The following MYH10 variants were observed in gnomAD, a reference collection of about 807,000 sequenced individuals.
MYH10 encodes myosin heavy chain 10, also known as myosin-10.
Under a neutral mutation model 257.8 loss-of-function variants are expected in MYH10, and 55 were observed. The observed-to-expected ratio is 0.21, with a 90% CI of 0.17 to 0.27. MYH10 has a LOEUF of 0.27. Among genes scored for constraint, MYH10 ranks in the 10% least tolerant of loss-of-function variants. The pLI is 1.00. For missense variants in MYH10, 1,631 were observed against 2,500.6 expected, an observed-to-expected ratio of 0.65 and a Z score of 7.42; for synonymous variants, 854 against 921.7, an observed-to-expected ratio of 0.93 and a Z score of 1.33.
chr17:8,618,023 TG>T (rs1221574432), intron 2 of MYH10, among the ~76,000 whole-genome samples: 1 of 152,232 alleles, frequency 6.6e-6, no homozygotes, highest in East Asian at 1.9e-4. Context: ...TTTATATTCT[TG>T]CAAAACTTTT....
intron 35 of MYH10, among the ~76,000 whole-genome samples, chr17:8,489,768 C>T (rs1043808954): frequency 6.8e-6 from 1 of 147,632 alleles, no homozygotes; most frequent in Admixed American, 6.7e-5. Flanking sequence ...AACTTACTGC[C>T]ATGAACTGGA....
rs1252296111 is a variant in MYH10, at chr17:8,542,101, T to G, written c.1605+6A>C. Reference sequence around the variant, plus strand: ...TGAAAGACAGCGAGCAAGTGAGCACTCTTACAGGTCTCTCTATTAGGTCGA... The same window carrying G: ...TGAAAGACAGCGAGCAAGTGAGCACGCTTACAGGTCTCTCTATTAGGTCGA... On this transcript the variant is annotated splice_donor_region_variant and intron_variant, in intron 14 of 42. Coordinates refer to ENST00000360416, the MANE Select transcript of MYH10 (RefSeq NM_001256012.3). 6.2e-7 allele frequency: 1 copy of G among 1,611,162 alleles called. No homozygotes were observed. Among genetic ancestry groups the G allele is most frequent in the African/African-American group, 1.3e-5 (1 of 75,004 alleles).
rs1333431102 is a variant in MYH10, at chr17:8,506,821, A to AT, written c.3215-333_3215-332insA. On this transcript the variant is annotated intron_variant, in intron 26 of 42. Transcript: ENST00000360416. The surrounding 1 kb of genome is among the most constrained non-coding windows in gnomAD (Gnocchi z 5.0). ...AACACATCACTGTACCCAGGTTTGC[A>AT]AAGTGGCTCAGCAGGTGCTGGGGCA... Among the ~76,000 whole-genome samples the AT allele has an allele frequency of 3.5e-4, 53 of 152,340 alleles. 2 individuals carry two copies. Among genetic ancestry groups the AT allele is most frequent in the Non-Finnish European group, 5.9e-5 (4 of 68,030 alleles).
rs181594563 is a variant in MYH10 at position 8,585,910 on chromosome 17, G to A, written c.530+3171C>T. ...AGTACTTAGGGGACAGTGTACTGAT[G>A]TCTATCTACAATTGAACTTGAAATG... On this transcript the variant is annotated intron_variant, in intron 4 of 42. Coordinates refer to ENST00000360416, the MANE Select transcript of MYH10 (RefSeq NM_001256012.3). 3.9e-5 allele frequency among the ~76,000 whole-genome samples: 6 copies of A among 152,326 alleles called. No individual in the cohort carries two copies. In the East Asian group the frequency reaches 9.6e-4, roughly 24 times the overall value.
At chr17:8,476,729 G>GT in intron 42 of MYH10, 147 bp downstream of exon 42, 2 of 929,092 alleles carry the variant, frequency 2.2e-6, no homozygotes, top group Non-Finnish European at 3.1e-6. Flanking sequence ...GACTATAAAG[G>GT]TCAGAAATCT....
intron 16 of MYH10, among the ~76,000 whole-genome samples, chr17:8,534,334 G>A (rs1015682504): frequency 5.3e-5 from 8 of 152,150 alleles, no homozygotes; most frequent in Non-Finnish European, 1.0e-4. Context: ...CTATGTCTCA[G>A]GCCCACAGTC....
At position 8,489,914 on chromosome 17, in the gene MYH10, G is replaced by C. The variant is rs147107440; in HGVS notation, c.4884+426C>G. Among the ~76,000 whole-genome samples the C allele has an allele frequency of 2.0e-4, 30 of 152,242 alleles. No individual in the cohort carries two copies. In the East Asian group the frequency reaches 4.2e-3, roughly 22 times the overall value. On this transcript the variant is annotated intron_variant, in intron 35 of 42. Coordinates refer to ENST00000360416, the MANE Select transcript of MYH10 (RefSeq NM_001256012.3). ...TACATGGATAGCAACTTTATAAAAG[G>C]ACAAATTTAAATATCTGCTCTTTTT...
At chr17:8,515,582 G>A (rs1052839678) in intron 21 of MYH10, among the ~76,000 whole-genome samples, 11 of 116,684 alleles carry the variant, frequency 9.4e-5, no homozygotes, top group South Asian at 2.9e-4. Context: ...TTGCTCTGTC[G>A]CCCAGGCTGG....
chr17:8,492,631 C>CTTTTTTTTTTTTTTTTTTTTTTCCTT, intron 33 of MYH10, 122 bp from the exon 34 acceptor site: 2 of 949,302 alleles, frequency 2.1e-6, no homozygotes, highest in African/African-American at 2.0e-5. Flanking sequence ...CTTGTATTTC[C>CTTTTTTTTTTTTTTTTTTTTTTCCTT]TTTTTTTTTT....
At chr17:8,572,479 A>T (rs553009661) in intron 6 of MYH10, among the ~76,000 whole-genome samples, 1 of 152,340 alleles carries the variant, frequency 6.6e-6, no homozygotes, top group South Asian at 2.1e-4. Context: ...GATGGTGGAT[A>T]TCATGAAAAT....
intron 2 of MYH10, among the ~76,000 whole-genome samples, chr17:8,608,705 A>G (rs529678427): frequency 6.6e-6 from 1 of 152,222 alleles, no homozygotes; most frequent in South Asian, 2.1e-4. Flanking sequence ...AGTTGGAAAC[A>G]TTTACAAATT....
chr17:8,570,959 T>C (rs2083312492), intron 6 of MYH10, among the ~76,000 whole-genome samples: 1 of 152,220 alleles, frequency 6.6e-6, no homozygotes. Flanking sequence ...CAGCATGATC[T>C]GGACTATCCG....
intron 41 of MYH10, 90 bp downstream of exon 41, chr17:8,478,248 C>T: frequency 1.8e-6 from 2 of 1,131,472 alleles, no homozygotes; most frequent in Non-Finnish European, 2.6e-6. Flanking sequence ...TCGGGAGGGC[C>T]CTGAATTCCA....
intron 3 of MYH10, among the ~76,000 whole-genome samples, chr17:8,600,150 G>C (rs2084536472): frequency 1.3e-5 from 2 of 152,154 alleles, no homozygotes; most frequent in South Asian, 4.1e-4. Context: ...AGCAACCCAA[G>C]TAACAGCATT....
In MYH10 at chr17:8,512,676, G is replaced by A. The variant is rs1368639672; in HGVS notation, c.2746-19C>T. On this transcript the variant is annotated intron_variant, in intron 23 of 42. Coordinates refer to ENST00000360416, the MANE Select transcript of MYH10 (RefSeq NM_001256012.3). Reference sequence around the variant, plus strand: ...CTAAAAGCTGCAATCACAATAAAGTGTCTGTGATTTGCCCCTATTACATAC... The same window carrying A: ...CTAAAAGCTGCAATCACAATAAAGTATCTGTGATTTGCCCCTATTACATAC... The A allele has an allele frequency of 6.2e-7, 1 of 1,600,340 alleles. No homozygotes were observed. The highest frequency in any genetic ancestry group is 2.2e-5 in the East Asian group (1 of 44,736).
intron 2 of MYH10, among the ~76,000 whole-genome samples, chr17:8,622,029 A>T (rs2085486349): frequency 1.3e-5 from 2 of 152,308 alleles, no homozygotes; most frequent in South Asian, 4.1e-4. Flanking sequence ...ACTAGCTCTG[A>T]TTTACTGAAG....
At chr17:8,549,521 T>C (rs149580013) in intron 9 of MYH10, among the ~76,000 whole-genome samples, 2 of 152,236 alleles carry the variant, frequency 1.3e-5, no homozygotes, top group Non-Finnish European at 2.9e-5. Flanking sequence ...ATAACAGATA[T>C]GCAAATATGC....
chr17:8,477,040 C>A lies in MYH10; in HGVS notation c.5715G>T (p.Lys1905Asn). The stretch of plus-strand genomic sequence containing the variant: ...TAAGCTGCTTCATCCGAGCGTTGGC[C>A]TTCTCCATCTTGGGGAGGGTACATG... Reference protein sequence around the residue: ...HADQYKEQMEKANARMKQLKR... With the variant: ...HADQYKEQMENANARMKQLKR... The change falls in exon 42 of 43, where the codon AAG becomes AAT. Residue 1905 changes from lysine to asparagine, a missense_variant. Lys to Asn is a moderately conservative substitution (Grantham distance 94). Around this residue, in one of 11 missense-constraint regions of MYH10, gnomAD observed 343 missense variants for 389.5 expected, o/e 0.88. Transcript: ENST00000360416. This position sits in a 1 kb window ranked among gnomAD's most constrained non-coding sequence, Gnocchi z 4.2. The A allele has an allele frequency of 6.2e-7, 1 of 1,614,072 alleles. No homozygotes were observed. Among genetic ancestry groups the A allele is most frequent in the Non-Finnish European group, 8.5e-7 (1 of 1,180,024 alleles).
At chr17:8,534,474 TTC>T (rs1264631907) in intron 16 of MYH10, among the ~76,000 whole-genome samples, 1 of 152,248 alleles carries the variant, frequency 6.6e-6, no homozygotes, top group Non-Finnish European at 1.5e-5. Context: ...CCTAGTCACT[TTC>T]TCTGTGTCCA....
Sources: allele counts gnomAD v4.1 joint callset (sites outside exome capture counted in the v4.1 genomes callset), GRCh38; gene constraint gnomAD v4.1.1; regional missense constraint gnomAD v4.1.1; non-coding constraint Gnocchi (gnomAD v3.1); transcripts MANE v1.5; gene names NCBI Gene and HGNC (gene_info 2026-07-23, HGNC 2026-07-21).